TMEM192: variants seen among roughly 807,000 people sequenced by gnomAD.
TMEM192 encodes the protein transmembrane protein 192.
In TMEM192, 20 loss-of-function variants were observed where a neutral mutation model predicts 26.7. That is an observed-to-expected ratio of 0.75 (90% CI 0.53 to 1.09). The LOEUF is 1.09. Ranked by LOEUF, TMEM192 falls within the 50% of genes least tolerant of loss-of-function variation. The pLI, the probability that TMEM192 is intolerant of heterozygous loss-of-function variation, is 0.00. For missense variants in TMEM192, 304 were observed against 322.6 expected (o/e 0.94, Z 0.44); for synonymous variants, 124 against 121.0 (o/e 1.02, Z -0.16).
chr4:165,086,634 A>C (rs1480377220), intron 4 of TMEM192, among the ~76,000 whole-genome samples: 1 of 151,934 alleles, frequency 6.6e-6, no homozygotes, highest in African/African-American at 2.4e-5. Flanking sequence ...CATGTTGGCC[A>C]GGCTGTTCTC....
chr4:165,088,662 C>T lies in TMEM192; in HGVS notation c.440-60G>A, dbSNP rs911257387. On this transcript the variant is annotated intron_variant, in intron 3 of 5. Transcript: ENST00000306480. ...GAGAAATACATATATGGTCTTTGTC[C>T]AATAGATAGTTGGTCTTTGTCTGGT... is the stretch of plus-strand genomic sequence containing the variant. The T allele has an allele frequency of 2.0e-6, 3 of 1,489,360 alleles. No individual in the cohort carries two copies. The African/African-American group carries it at 4.2e-5, about 21-fold the overall frequency. The allele number at this position is 1,489,360 out of a possible 1,614,324, so 92.3% of individuals were successfully genotyped here. A position where few individuals can be genotyped will look rare whatever the true frequency, so the allele number is the denominator to read the frequency against.
At chr4:165,088,213 A>G (rs558296757) in intron 4 of TMEM192, among the ~76,000 whole-genome samples, 1 of 152,270 alleles carries the variant, frequency 6.6e-6, no homozygotes, top group South Asian at 2.1e-4. Context: ...TCCCAGCCCA[A>G]AAAGTTTGTG....
At chr4:165,110,778 A>G (rs1018570412) in intron 1 of TMEM192, among the ~76,000 whole-genome samples, 11 of 152,224 alleles carry the variant, frequency 7.2e-5, no homozygotes, top group African/African-American at 2.4e-4. Flanking sequence ...CTGTCACTTC[A>G]ATGCCTTGAG....
intron 2 of TMEM192, among the ~76,000 whole-genome samples, chr4:165,101,313 C>T (rs966110539): frequency 6.6e-6 from 1 of 152,042 alleles, no homozygotes; most frequent in Non-Finnish European, 1.5e-5. Context: ...CTTCCCCTGT[C>T]CTATTTTTAT....
In TMEM192 at chr4:165,070,957, CAAGT is replaced by C. The variant is rs983384192; in HGVS notation, c.*8697_*8700del. On this transcript the variant is annotated 3_prime_UTR_variant, in exon 6 of 6. Transcript: ENST00000306480. ...TATCAGGAGACACAGACAAAGTAAA[CAAGT>C]AAGTTACATGCAGTATTTTCCCCTT... The C allele has an allele frequency of 6.6e-6, 1 of 152,090 alleles. No individual in the cohort carries two copies. The highest frequency in any genetic ancestry group is 2.4e-5 in the African/African-American group (1 of 41,404). 9.4% of individuals were successfully genotyped at this position (152,090 alleles called of 1,614,324 possible).
In TMEM192 at chr4:165,085,622, G is replaced by A. The variant is rs1172495072; in HGVS notation, c.641C>T (p.Ala214Val). The change falls in exon 5 of 6, where the codon GCT becomes GTT. Residue 214 changes from alanine (A) to valine (V), a missense_variant. Ala to Val is a moderately conservative substitution (Grantham distance 64, BLOSUM62 0). Coordinates refer to ENST00000306480, the MANE Select transcript of TMEM192 (RefSeq NM_001100389.2). ...PDILEEEKIY[A>V]YPSNITSETG... ...CTCCGAGGTAATATTGCTGGGGTAA[G>A]CATAGATTTTTTCTTCTTCAAGTAT... is the stretch of plus-strand genomic sequence containing the variant. 3 of 1,612,724 alleles carry A rather than the reference G, an allele frequency of 1.9e-6. No individual in the cohort carries two copies. Among genetic ancestry groups the A allele is most frequent in the Admixed American group, 1.7e-5 (1 of 59,836 alleles).
chr4:165,097,389 G>A (rs1734934929), intron 3 of TMEM192, among the ~76,000 whole-genome samples: 1 of 151,526 alleles, frequency 6.6e-6, no homozygotes, highest in Non-Finnish European at 1.5e-5. Context: ...AGCTACTCGG[G>A]AGGCTGAGGC....
chr4:165,095,164 A>G (rs1734865967), intron 3 of TMEM192, among the ~76,000 whole-genome samples: 1 of 152,124 alleles, frequency 6.6e-6, no homozygotes, highest in Admixed American at 6.6e-5. Flanking sequence ...GGACTCCTAC[A>G]CTATAAGATG....
Position 165,103,007 on chromosome 4 carries a change from TC to T in TMEM192, c.116del (p.Arg39AsnfsTer12), listed in dbSNP as rs765363841. The T allele has an allele frequency of 6.2e-7, 1 of 1,613,494 alleles. No homozygotes were observed. Among genetic ancestry groups the T allele is most frequent in the South Asian group, 1.1e-5 (1 of 91,014 alleles). On this transcript the variant is annotated frameshift_variant, in exon 2 of 6. Transcript: ENST00000306480. LOFTEE classifies it high-confidence loss of function. ...CTGTAGGAAGAGGATGGAATCGGGG[TC>T]TAAAGTGAGCTTGTAATGAGTGGTG... ...LPHHSLQAHF[R>X]PRFHPLPTVI...
chr4:165,102,984 G>T lies in TMEM192; in HGVS notation c.140C>A (p.Thr47Lys). 6.2e-7 allele frequency: 1 copy of T among 1,613,182 alleles called. No homozygotes were observed. Among genetic ancestry groups the T allele is most frequent in the Non-Finnish European group, 8.5e-7 (1 of 1,179,562 alleles). The change falls in exon 2 of 6, where the codon ACA (threonine) becomes AAA (lysine). Residue 47 changes from threonine (T) to lysine (K), a missense_variant. Transcript: ENST00000306480. ...HFRPRFHPLP[T>K]VIIVNLLWFI... is the part of the protein sequence containing the mutation. ...CCACAGAAGATTCACTATGATGACT[G>T]TAGGAAGAGGATGGAATCGGGGTCT...
In TMEM192 at chr4:165,079,670, T is replaced by TG. The variant is rs1309081341; in HGVS notation, c.803dup (p.Ser269LysfsTer2). On this transcript the variant is annotated frameshift_variant, in exon 6 of 6. Transcript: ENST00000306480. LOFTEE classifies it high-confidence loss of function. ...GACCGTGAGCCTCTCACGTTCTACT[T>TG]GGCTGACAGCCCAGGTCTGAGGAAG... 6.2e-7 allele frequency: 1 copy of TG among 1,611,442 alleles called. No individual in the cohort carries two copies. Among genetic ancestry groups the TG allele is most frequent in the South Asian group, 1.1e-5 (1 of 90,726 alleles).
chr4:165,096,569 A>G (rs1734910117), intron 3 of TMEM192, among the ~76,000 whole-genome samples: 1 of 151,796 alleles, frequency 6.6e-6, no homozygotes, highest in Non-Finnish European at 1.5e-5. Context: ...ATCAGGCTGA[A>G]GTTAATATTA....
chr4:165,103,097 C>T lies in TMEM192; in HGVS notation c.28-1G>A. 1 of 1,597,388 alleles carries T rather than the reference C, an allele frequency of 6.3e-7. No homozygotes were observed. Among genetic ancestry groups the T allele is most frequent in the Non-Finnish European group, 8.5e-7 (1 of 1,173,284 alleles). On this transcript the variant is annotated splice_acceptor_variant, in intron 1 of 5. Transcript: ENST00000306480. LOFTEE classifies it high-confidence loss of function. ...TACTCTGGGTGATATCCAAGGAACCCTGGGGTGCAGAAAAACAAGCAACCT... is the reference window on the plus strand; with the variant it reads ...TACTCTGGGTGATATCCAAGGAACCTTGGGGTGCAGAAAAACAAGCAACCT...
At chr4:165,098,000 T>C (rs1220472931) in intron 3 of TMEM192, among the ~76,000 whole-genome samples, 2 of 151,930 alleles carry the variant, frequency 1.3e-5, no homozygotes, top group Non-Finnish European at 2.9e-5. Context: ...TTTGTATTTT[T>C]AGTAGAGATG....
chr4:165,106,361 G>C (rs1735158223), intron 1 of TMEM192, among the ~76,000 whole-genome samples: 1 of 151,988 alleles, frequency 6.6e-6, no homozygotes, highest in Admixed American at 6.6e-5. Flanking sequence ...CTCTTTCACT[G>C]CTCCAAGACA....
chr4:165,112,664 C>T, intron 1 of TMEM192, 83 bp downstream of exon 1: 1 of 1,575,700 alleles, frequency 6.3e-7, no homozygotes, highest in Non-Finnish European at 8.6e-7. Context: ...GGTGGCTTCC[C>T]TCTCTGAGTC....
intron 1 of TMEM192, among the ~76,000 whole-genome samples, chr4:165,109,096 T>A (rs1021779842): frequency 9.2e-5 from 14 of 152,250 alleles, no homozygotes; most frequent in Non-Finnish European, 1.8e-4. Context: ...TATTCCCAGT[T>A]ACTCCATGTT....
chr4:165,085,463 G>T, intron 5 of TMEM192, 123 bp downstream of exon 5: 1 of 676,222 alleles, frequency 1.5e-6, no homozygotes, highest in East Asian at 2.8e-5. Context: ...ACAGCTGAAA[G>T]GAAATAAACA....
chr4:165,098,279 C>T (rs1734960190), intron 3 of TMEM192, among the ~76,000 whole-genome samples: 1 of 151,908 alleles, frequency 6.6e-6, no homozygotes, highest in Non-Finnish European at 1.5e-5. Flanking sequence ...TGCCCGCCAC[C>T]ACGTTCAGCT....
Sources: gnomAD v4.1 joint callset for allele counts (sites outside exome capture counted in the v4.1 genomes callset) on GRCh38, gnomAD v4.1.1 for gene constraint, MANE v1.5 for transcripts, NCBI Gene and HGNC (gene_info 2026-07-23, HGNC 2026-07-21) for gene names.